TIAM1: variants seen among roughly 807,000 people sequenced by gnomAD.
The protein encoded by TIAM1 is TIAM Rac1 associated GEF 1, also known as rho guanine nucleotide exchange factor TIAM1.
A neutral mutation model predicts 163.5 loss-of-function variants in TIAM1; 65 were observed. That is an observed-to-expected ratio of 0.40 (90% CI 0.33 to 0.49). The LOEUF is 0.49. TIAM1 is among the 20% of genes least tolerant of loss of function. TIAM1 has a pLI of 0.77. For synonymous variants in TIAM1, 833 were observed against 810.1 expected (o/e 1.03, Z -0.48); for missense variants, 1,789 against 2,044.7 (o/e 0.87, Z 2.41).
At chr21:31,188,527 T>A (rs2085403056) in intron 13 of TIAM1, among the ~76,000 whole-genome samples, 1 of 152,188 alleles carries the variant, frequency 6.6e-6, no homozygotes, top group East Asian at 1.9e-4. Context: ...TATTGGAATT[T>A]CCTTTTTGAA....
At chr21:31,178,431 C>T (rs985477396) in intron 15 of TIAM1, among the ~76,000 whole-genome samples, 4 of 151,036 alleles carry the variant, frequency 2.6e-5, no homozygotes, top group Non-Finnish European at 4.4e-5. Context: ...CTCAGTCTGC[C>T]GAGTAGCTGG....
chr21:31,321,602 C>T (rs927198932), intron 2 of TIAM1, among the ~76,000 whole-genome samples: 2 of 151,936 alleles, frequency 1.3e-5, no homozygotes, highest in Non-Finnish European at 1.5e-5. Context: ...CCACCTGCCT[C>T]GGCCTCCCAA....
intron 3 of TIAM1, among the ~76,000 whole-genome samples, chr21:31,275,947 A>G (rs1402658730): frequency 6.6e-6 from 1 of 152,230 alleles, no homozygotes; most frequent in Non-Finnish European, 1.5e-5. Context: ...TATTAAAATA[A>G]ACGTAATCAT....
chr21:31,202,519 T>G (rs1427378137), intron 12 of TIAM1, among the ~76,000 whole-genome samples: 1 of 152,172 alleles, frequency 6.6e-6, no homozygotes, highest in Non-Finnish European at 1.5e-5. Context: ...TGAGCTATGA[T>G]CACACCACTG....
At chr21:31,391,079 G>C (rs1026121437) in intron 2 of TIAM1, among the ~76,000 whole-genome samples, 4 of 151,966 alleles carry the variant, frequency 2.6e-5, no homozygotes, top group African/African-American at 9.7e-5. Context: ...TCTTAGTTCT[G>C]ACCTGGCAAG....
At chr21:31,376,913 C>A (rs1238855889) in intron 2 of TIAM1, among the ~76,000 whole-genome samples, 1 of 151,908 alleles carries the variant, frequency 6.6e-6, no homozygotes, top group Non-Finnish European at 1.5e-5. Context: ...GGCTGGGGTG[C>A]AGTGGCACGA....
intron 6 of TIAM1, among the ~76,000 whole-genome samples, chr21:31,232,908 A>G (rs1803283531): frequency 2.0e-5 from 3 of 151,844 alleles, no homozygotes; most frequent in South Asian, 4.1e-4. Flanking sequence ...GATGCTATAA[A>G]TACTGTATAC....
intron 1 of TIAM1, among the ~76,000 whole-genome samples, chr21:31,556,579 T>C (rs1472361942): frequency 1.3e-5 from 2 of 151,942 alleles, no homozygotes; most frequent in Non-Finnish European, 2.9e-5. Flanking sequence ...CCTGAGATCA[T>C]CTGATCTGAT....
At chr21:31,220,732 G>A (rs2087509773) in intron 8 of TIAM1, among the ~76,000 whole-genome samples, 1 of 152,178 alleles carries the variant, frequency 6.6e-6, no homozygotes, top group Non-Finnish European at 1.5e-5. Flanking sequence ...GACTCAAAAT[G>A]AGCAAAGGGA....
In TIAM1 at chr21:31,441,301, A is replaced by G. The variant is rs796450416; in HGVS notation, c.-369+22682T>C. Among the ~76,000 whole-genome samples, 72 of 152,366 alleles carry G rather than the reference A, an allele frequency of 4.7e-4. 1 individual carries two copies. Among genetic ancestry groups the G allele is most frequent in the African/African-American group, 1.6e-3 (65 of 41,586 alleles). ...AGGTGTGGCCCAAGCATCCCCCTGC[A>G]TAAGAATCACATGTGACACTTGTTT... On this transcript the variant is annotated intron_variant, in intron 2 of 28. Coordinates refer to the TIAM1 transcript ENST00000286827.
chr21:31,165,139 G>A, intron 15 of TIAM1, 74 bp from the exon 16 acceptor site: 1 of 1,375,792 alleles, frequency 7.3e-7, no homozygotes, highest in Non-Finnish European at 1.0e-6. Flanking sequence ...TGTGTGAGGG[G>A]GACAAGGAAT....
At chr21:31,526,030 T>C in intron 1 of TIAM1, among the ~76,000 whole-genome samples, 1 of 86,630 alleles carries the variant, frequency 1.2e-5, no homozygotes, top group South Asian at 5.0e-4. Context: ...CAAGACTCCA[T>C]CTCAAAAAAA....
intron 16 of TIAM1, chr21:31,160,748 C>CGCTT (rs567966559): frequency 9.7e-5 from 36 of 370,344 alleles, no homozygotes; most frequent in Non-Finnish European, 1.6e-4. Flanking sequence ...GAGCTGCACT[C>CGCTT]GCTTCCCACC....
chr21:31,393,312 T>C (rs1297810247), intron 2 of TIAM1, among the ~76,000 whole-genome samples: 2 of 152,188 alleles, frequency 1.3e-5, no homozygotes, highest in African/African-American at 4.8e-5. Flanking sequence ...AAAAACCGAT[T>C]AACACAGTAC....
chr21:31,201,954 C>A (rs930802175), intron 12 of TIAM1, among the ~76,000 whole-genome samples: 2 of 152,128 alleles, frequency 1.3e-5, no homozygotes, highest in Non-Finnish European at 2.9e-5. Flanking sequence ...TATCTCTAAT[C>A]TTTGTAAAAT....
chr21:31,153,606 A>G (rs2083477908), intron 17 of TIAM1, among the ~76,000 whole-genome samples: 1 of 152,216 alleles, frequency 6.6e-6, no homozygotes, highest in African/African-American at 2.4e-5. Flanking sequence ...CACAAAGACA[A>G]CAGACCTGGC....
intron 2 of TIAM1, among the ~76,000 whole-genome samples, chr21:31,350,867 G>A (rs960962980): frequency 6.6e-6 from 1 of 152,218 alleles, no homozygotes; most frequent in Non-Finnish European, 1.5e-5. Flanking sequence ...GGATGGTGAA[G>A]TGAAAAGGAC....
intron 1 of TIAM1, among the ~76,000 whole-genome samples, chr21:31,475,166 C>A (rs980781495): frequency 1.3e-5 from 2 of 151,826 alleles, no homozygotes; most frequent in East Asian, 1.9e-4. Flanking sequence ...GATTCTCCCA[C>A]CTCAGCCCTG....
At chr21:31,210,241 G>C in intron 10 of TIAM1, 26 bp from the exon 11 acceptor site, 1 of 1,610,382 alleles carries the variant, frequency 6.2e-7, no homozygotes, top group Non-Finnish European at 8.5e-7. Context: ...AAGTTAGCAG[G>C]GCAGCAGCAG....
Sources: allele counts gnomAD v4.1 joint callset (sites outside exome capture counted in the v4.1 genomes callset), GRCh38; gene constraint gnomAD v4.1.1; transcripts MANE v1.5; gene names NCBI Gene and HGNC (gene_info 2026-07-23, HGNC 2026-07-21).